ZC3H14: variants seen among roughly 807,000 people sequenced by gnomAD.
The protein encoded by ZC3H14 is zinc finger CCCH-type containing 14.
Under a neutral mutation model 92.4 loss-of-function variants are expected in ZC3H14, and 31 were observed. The observed-to-expected ratio is 0.34, with a 90% CI of 0.25 to 0.45. The LOEUF is 0.45. ZC3H14 is among the 20% of genes least tolerant of loss of function. The probability of loss-of-function intolerance (pLI) is 1.00; values close to 1 mark genes in which losing one functional copy is unlikely to be tolerated. For missense variants in ZC3H14, 781 were observed against 897.3 expected (o/e 0.87, Z 1.66); for synonymous variants, 321 against 300.9 (o/e 1.07, Z -0.69).
intron 12 of ZC3H14, 150 bp from the exon 13 acceptor site, chr14:88,607,093 T>C: frequency 1.6e-6 from 2 of 1,212,594 alleles, no homozygotes; most frequent in East Asian, 2.6e-5. Context: ...CTATGGCCAG[T>C]GTTAATCCCA....
At chr14:88,595,945 G>A (rs958501949) in intron 9 of ZC3H14, among the ~76,000 whole-genome samples, 13 of 152,298 alleles carry the variant, frequency 8.5e-5, no homozygotes, top group South Asian at 4.1e-4. Flanking sequence ...TCTGCTAAGC[G>A]CTGTGGGGGC....
rs74804927 is a variant in ZC3H14 at position 88,565,688 on chromosome 14, C to T, written c.79+1995C>T. Among the ~76,000 whole-genome samples the T allele has an allele frequency of 7.9e-4, 120 of 152,138 alleles. No individual in the cohort carries two copies. The East Asian group carries it at 0.011, about 14-fold the overall frequency. On this transcript the variant is annotated intron_variant, in intron 2 of 16. Coordinates refer to ENST00000251038, the MANE Select transcript of ZC3H14 (RefSeq NM_024824.5). ...GTTGCTTTAACATTTAATAAGCTAC[C>T]ACTTGTTTAGTTTTGGTGTAGTGTC...
Position 88,610,811 on chromosome 14 carries a change from G to A in ZC3H14, c.2098-23G>A, listed in dbSNP as rs201986645. ...TTATATTAGCCTTGTGGATATTGTT[G>A]AAGCTCTGTTATCTCTATTCAGCAT... is the stretch of plus-strand genomic sequence containing the variant. On this transcript the variant is annotated intron_variant, in intron 15 of 16. Coordinates refer to ENST00000251038, the MANE Select transcript of ZC3H14 (RefSeq NM_024824.5). 1.3e-5 allele frequency: 21 copies of A among 1,598,728 alleles called. No homozygotes were observed. In the East Asian group the frequency reaches 4.7e-4, roughly 36 times the overall value.
chr14:88,589,153 T>A (rs1225249372), intron 9 of ZC3H14: 1 of 152,218 alleles, frequency 6.6e-6, no homozygotes, highest in African/African-American at 2.4e-5. Context: ...TGCAGAGGCT[T>A]ACCTAGAATT....
chr14:88,595,856 A>G (rs2083745061), intron 9 of ZC3H14, among the ~76,000 whole-genome samples: 2 of 152,208 alleles, frequency 1.3e-5, no homozygotes, highest in Non-Finnish European at 1.5e-5. Flanking sequence ...GTAAGATTTC[A>G]GTATTTGCAA....
chr14:88,613,743 T>TA lies in ZC3H14; in HGVS notation c.*1996dup, dbSNP rs1341758925. The TA allele has an allele frequency of 1.3e-5, 2 of 152,212 alleles. No homozygotes were observed. The highest frequency in any genetic ancestry group is 3.9e-4 in the East Asian group (2 of 5,162). The allele number at this position is 152,212 out of a possible 1,614,324, so 9.4% of individuals were successfully genotyped here. ...TGTGCTTTGGCATGCATTTTATACATAAAATGAATGGAACAAAAGGTGCCA... is the reference window on the plus strand; with the variant it reads ...TGTGCTTTGGCATGCATTTTATACATAAAAATGAATGGAACAAAAGGTGCCA... On this transcript the variant is annotated 3_prime_UTR_variant, in exon 17 of 17. Coordinates refer to ENST00000251038, the MANE Select transcript of ZC3H14 (RefSeq NM_024824.5).
At position 88,622,949 on chromosome 14, in the gene ZC3H14, T is replaced by A; in HGVS notation, c.*11198T>A. On this transcript the variant is annotated 3_prime_UTR_variant, in exon 17 of 17. Transcript: ENST00000251038. The stretch of plus-strand genomic sequence containing the variant: ...TTTTATTTTGAGAAATACTCTTTTT[T>A]TCTGACATGAGCATAATTTTATTTA... The A allele has an allele frequency of 2.5e-6, 1 of 396,102 alleles. No individual in the cohort carries two copies. The highest frequency in any genetic ancestry group is 6.3e-5 in the South Asian group (1 of 15,784). 24.5% of individuals were successfully genotyped at this position (396,102 alleles called of 1,614,324 possible).
intron 15 of ZC3H14, among the ~76,000 whole-genome samples, chr14:88,610,242 G>C (rs374822437): frequency 1.6e-4 from 24 of 152,300 alleles, no homozygotes; most frequent in African/African-American, 5.5e-4. Context: ...TGCCCCGGTA[G>C]CTTGAGGACC....
At position 88,578,131 on chromosome 14, in the gene ZC3H14, A is replaced by C; in HGVS notation, c.1270A>C (p.Lys424Gln). The C allele has an allele frequency of 6.2e-7, 1 of 1,614,120 alleles. No individual in the cohort carries two copies. The highest frequency in any genetic ancestry group is 2.2e-5 in the East Asian group (1 of 44,876). ...GGAAACAAAAGGAGATTCTGTAGAA[A>C]AAAATCAAGGTAATAACTTAAATGA... ...EEETKGDSVE[K>Q]NQGTQQRQLL... Residue 424 changes from lysine to glutamine, a missense_variant, in exon 9 of 17, where the codon AAA becomes CAA. Coordinates refer to ENST00000251038, the MANE Select transcript of ZC3H14 (RefSeq NM_024824.5).
Position 88,578,137 on chromosome 14 carries a change from C to A in ZC3H14, c.1276C>A (p.Gln426Lys), listed in dbSNP as rs373710493. ...AAAAGGAGATTCTGTAGAAAAAAAT[C>A]AAGGTAATAACTTAAATGATGTTTC... ...ETKGDSVEKN[Q>K]GTQQRQLLSR... is the part of the protein sequence containing the mutation. The change falls in exon 9 of 17, where the codon CAA (glutamine) becomes AAA (lysine). Residue 426 changes from glutamine (Q) to lysine (K), a missense_variant. Physicochemically the swap from Gln to Lys is moderately conservative, Grantham distance 53. Transcript: ENST00000251038. 1.2e-6 allele frequency: 2 copies of A among 1,613,874 alleles called. No homozygotes were observed. Among genetic ancestry groups the A allele is most frequent in the Middle Eastern group, 1.6e-4 (1 of 6,062 alleles).
At chr14:88,574,571 GAA>G in intron 6 of ZC3H14, 120 bp from the exon 7 acceptor site, 1 of 1,274,028 alleles carries the variant, frequency 7.8e-7, no homozygotes, top group Non-Finnish European at 1.1e-6. Context: ...ATAAAACCAA[GAA>G]ATACTCTGTG....
At position 88,621,001 on chromosome 14, in the gene ZC3H14, C is replaced by T; in HGVS notation, c.*9250C>T. 2 of 1,470,234 alleles carry T rather than the reference C, an allele frequency of 1.4e-6. No homozygotes were observed. Among genetic ancestry groups the T allele is most frequent in the Non-Finnish European group, 1.8e-6 (2 of 1,112,052 alleles). 91.1% of individuals were successfully genotyped at this position (1,470,234 alleles called of 1,614,324 possible). ...GTACTTCTAAATTATACCAGTTTCCCCTCAAAATGCTCAACAGAATTCTGG... is the reference window on the plus strand; with the variant it reads ...GTACTTCTAAATTATACCAGTTTCCTCTCAAAATGCTCAACAGAATTCTGG... On this transcript the variant is annotated 3_prime_UTR_variant, in exon 17 of 17. Coordinates refer to ENST00000251038, the MANE Select transcript of ZC3H14 (RefSeq NM_024824.5).
At chr14:88,573,864 T>A (rs2139619934) in intron 6 of ZC3H14, 1 of 152,354 alleles carries the variant, frequency 6.6e-6, no homozygotes, top group Non-Finnish European at 1.5e-5. Context: ...TGATCTGCCC[T>A]CCTTGGCCTC....
At chr14:88,596,617 G>A in intron 9 of ZC3H14, 117 bp from the exon 10 acceptor site, 1 of 839,970 alleles carries the variant, frequency 1.2e-6, no homozygotes, top group Middle Eastern at 2.3e-4. Flanking sequence ...AATTGTTGAA[G>A]CTTTAAGTTA....
At chr14:88,574,581 G>C in intron 6 of ZC3H14, 112 bp from the exon 7 acceptor site, 1 of 1,328,760 alleles carries the variant, frequency 7.5e-7, no homozygotes, top group Non-Finnish European at 1.1e-6. Flanking sequence ...GAAATACTCT[G>C]TGAATTTCTC....
At chr14:88,585,710 G>A (rs559643205) in intron 9 of ZC3H14, among the ~76,000 whole-genome samples, 175 of 152,038 alleles carry the variant, frequency 1.2e-3, no homozygotes, top group African/African-American at 4.0e-3. Context: ...TCTTTTAGTC[G>A]TTACCAGTGA....
In ZC3H14 at chr14:88,611,957, G is replaced by A; in HGVS notation, c.*206G>A. 1.5e-6 allele frequency: 1 copy of A among 670,534 alleles called. No individual in the cohort carries two copies. Among genetic ancestry groups the A allele is most frequent in the East Asian group, 2.8e-5 (1 of 35,432 alleles). 41.5% of individuals were successfully genotyped at this position (670,534 alleles called of 1,614,324 possible). ...TTTTAACATTGGGTGTTTTTGTTTT[G>A]TTTTTACTATGAAAAGACAGCTTAA... On this transcript the variant is annotated 3_prime_UTR_variant, in exon 17 of 17. Coordinates refer to ENST00000251038, the MANE Select transcript of ZC3H14 (RefSeq NM_024824.5).
At chr14:88,611,202 T>A (rs1218042859) in intron 16 of ZC3H14, among the ~76,000 whole-genome samples, 3 of 152,034 alleles carry the variant, frequency 2.0e-5, no homozygotes, top group African/African-American at 7.2e-5. Flanking sequence ...CATAGCTCAC[T>A]GCAGCCTCAA....
rs1756515628 is a variant in ZC3H14 at position 88,620,104 on chromosome 14, ACT to A, written c.*8354_*8355del. ...AGACATGTAAAAGCTAAGGGAAGCCACTGTTACTATTTTATATATTGAAGTTC... is the reference window on the plus strand; with the variant it reads ...AGACATGTAAAAGCTAAGGGAAGCCAGTTACTATTTTATATATTGAAGTTC... On this transcript the variant is annotated 3_prime_UTR_variant, in exon 17 of 17. Transcript: ENST00000251038. The surrounding 1 kb of genome is among the most constrained non-coding windows in gnomAD (Gnocchi z 4.3). The A allele has an allele frequency of 6.6e-6, 1 of 152,242 alleles. No homozygotes were observed. The highest frequency in any genetic ancestry group is 1.5e-5 in the Non-Finnish European group (1 of 68,044). The allele number at this position is 152,242 out of a possible 1,614,324, so 9.4% of individuals were successfully genotyped here.
Sources: allele counts gnomAD v4.1 joint callset (sites outside exome capture counted in the v4.1 genomes callset), GRCh38; gene constraint gnomAD v4.1.1; non-coding constraint Gnocchi (gnomAD v3.1); transcripts MANE v1.5; gene names NCBI Gene and HGNC (gene_info 2026-07-23, HGNC 2026-07-21).